The following NEK6 variants were observed in gnomAD, a reference collection of about 807,000 sequenced individuals.
The protein encoded by NEK6 is NIMA related kinase 6.
A neutral mutation model predicts 43.5 loss-of-function variants in NEK6; 27 were observed. The ratio of observed to expected loss-of-function variants is 0.62; its 90% CI spans 0.46 to 0.86. NEK6 has a LOEUF of 0.86. Ranked by LOEUF, NEK6 falls within the 40% of genes least tolerant of loss-of-function variation. The pLI is 0.00. For synonymous variants in NEK6, 167 were observed against 164.1 expected (o/e 1.02, Z -0.14); for missense variants, 318 against 414.4 (o/e 0.77, Z 2.02).
intron 4 of NEK6, among the ~76,000 whole-genome samples, chr9:124,318,120 A>G (rs1390909565): frequency 6.6e-6 from 1 of 152,250 alleles, no homozygotes; most frequent in Non-Finnish European, 1.5e-5. Context: ...ACGGTGTCTG[A>G]ACAAATTTAC....
At chr9:124,317,734 A>G (rs1016676912) in intron 4 of NEK6, among the ~76,000 whole-genome samples, 1 of 152,028 alleles carries the variant, frequency 6.6e-6, no homozygotes, top group African/African-American at 2.4e-5. Flanking sequence ...GTTTGTGTGT[A>G]CCCAGGATTT....
chr9:124,293,954 C>T (rs1364026380), intron 1 of NEK6, among the ~76,000 whole-genome samples: 3 of 151,520 alleles, frequency 2.0e-5, no homozygotes, highest in African/African-American at 7.2e-5. Context: ...CCTGGCTGCC[C>T]ACTGTGTGCT....
chr9:124,267,340 C>T (rs188085067), intron 1 of NEK6, among the ~76,000 whole-genome samples: 57 of 152,364 alleles, frequency 3.7e-4, no homozygotes, highest in Admixed American at 6.5e-4. Flanking sequence ...GAGTCCGCCC[C>T]TGGGCTTGGC....
At chr9:124,290,427 C>T (rs73666849) in intron 1 of NEK6, among the ~76,000 whole-genome samples, 2,498 of 152,330 alleles carry the variant, frequency 0.016, 74 homozygotes, top group African/African-American at 0.056. Context: ...CAGTTGGGGC[C>T]GGCTGGTGGG....
chr9:124,289,187 C>CCACA (rs60402648), intron 1 of NEK6, among the ~76,000 whole-genome samples: 12 of 46,026 alleles, frequency 2.6e-4, no homozygotes, highest in African/African-American at 1.0e-3. Context: ...CCCCCCCCCG[C>CCACA]CACACACACA....
intron 8 of NEK6, among the ~76,000 whole-genome samples, chr9:124,340,370 A>T (rs1023745052): frequency 3.9e-5 from 6 of 152,202 alleles, no homozygotes; most frequent in African/African-American, 1.2e-4. Flanking sequence ...TCTTGCAGCC[A>T]CCGGCAGGAG....
chr9:124,319,415 C>T (rs192346203), intron 4 of NEK6, among the ~76,000 whole-genome samples: 22 of 152,158 alleles, frequency 1.4e-4, no homozygotes, highest in Admixed American at 1.2e-3. Flanking sequence ...TCTGTTTACT[C>T]TGTTGATCAT....
At chr9:124,339,513 G>A in intron 7 of NEK6, 58 bp from the exon 8 acceptor site, 1 of 1,270,960 alleles carries the variant, frequency 7.9e-7, no homozygotes. Flanking sequence ...CCTCACCTCT[G>A]TGCCCTGCCC....
At chr9:124,281,904 C>T (rs1382121029) in intron 1 of NEK6, among the ~76,000 whole-genome samples, 1 of 152,142 alleles carries the variant, frequency 6.6e-6, no homozygotes, top group Non-Finnish European at 1.5e-5. Flanking sequence ...GAGAGGCTGT[C>T]CAGGCCTGTG....
At chr9:124,288,133 C>G (rs1024193674) in intron 1 of NEK6, among the ~76,000 whole-genome samples, 1 of 152,234 alleles carries the variant, frequency 6.6e-6, no homozygotes, top group African/African-American at 2.4e-5. Context: ...TCCACAGGCC[C>G]AAAGGCCTGG....
chr9:124,313,585 C>T (rs898146466), intron 3 of NEK6, among the ~76,000 whole-genome samples: 1 of 152,162 alleles, frequency 6.6e-6, no homozygotes, highest in African/African-American at 2.4e-5. Flanking sequence ...CCAGGCTGGT[C>T]TCGAACTCCT....
intron 8 of NEK6, among the ~76,000 whole-genome samples, chr9:124,346,848 G>C (rs1337442385): frequency 6.6e-6 from 1 of 152,200 alleles, no homozygotes; most frequent in Non-Finnish European, 1.5e-5. Flanking sequence ...GGCTGTGGCC[G>C]GCCTTCAGGG....
Position 124,327,572 on chromosome 9 carries a change from G to T in NEK6, c.622+127G>T, listed in dbSNP as rs1438412903. On this transcript the variant is annotated intron_variant, in intron 7 of 9. Transcript: ENST00000320246. The stretch of plus-strand genomic sequence containing the variant: ...GGAAGATGCCTTTTTTAAGCCCCAG[G>T]GTTTTCTCATCTGTTCAGAATAGTG... 2.4e-5 allele frequency: 18 copies of T among 749,316 alleles called. No homozygotes were observed. In the East Asian group the frequency reaches 4.6e-4, roughly 19 times the overall value. The allele number at this position is 749,316 out of a possible 1,614,324, so 46.4% of individuals were successfully genotyped here. A position where few individuals can be genotyped will look rare whatever the true frequency, so the allele number is the denominator to read the frequency against.
chr9:124,341,758 T>C (rs560444173), intron 8 of NEK6, among the ~76,000 whole-genome samples: 19 of 151,868 alleles, frequency 1.3e-4, no homozygotes, highest in Non-Finnish European at 1.9e-4. Flanking sequence ...GGGAGGGCAG[T>C]GGATGTAGGA....
Position 124,298,046 on chromosome 9 carries a change from G to T in NEK6, c.-29-3890G>T, listed in dbSNP as rs1310343531. Reference sequence around the variant, plus strand: ...CAAAGAGGGAGTTTAGAGTCACTGAGATCTGGATTTGAATCCTTTCTCTGC... The same window carrying T: ...CAAAGAGGGAGTTTAGAGTCACTGATATCTGGATTTGAATCCTTTCTCTGC... On this transcript the variant is annotated intron_variant, in intron 1 of 9. Coordinates refer to ENST00000320246, the MANE Select transcript of NEK6 (RefSeq NM_014397.6). Among the ~76,000 whole-genome samples the T allele has an allele frequency of 2.0e-5, 3 of 152,334 alleles. No individual in the cohort carries two copies. The East Asian group carries it at 5.8e-4, about 29-fold the overall frequency.
At chr9:124,284,236 C>A (rs1832050104) in intron 1 of NEK6, among the ~76,000 whole-genome samples, 1 of 152,230 alleles carries the variant, frequency 6.6e-6, no homozygotes, top group Non-Finnish European at 1.5e-5. Flanking sequence ...GTAATCCCAG[C>A]TACTTGGGAG....
At chr9:124,335,627 G>A (rs1217081514) in intron 7 of NEK6, among the ~76,000 whole-genome samples, 1 of 152,220 alleles carries the variant, frequency 6.6e-6, no homozygotes, top group Non-Finnish European at 1.5e-5. Flanking sequence ...TCACAGGCAG[G>A]CGGACTCATT....
intron 2 of NEK6, among the ~76,000 whole-genome samples, chr9:124,302,775 A>G (rs1271529794): frequency 1.3e-5 from 2 of 152,200 alleles, no homozygotes; most frequent in African/African-American, 4.8e-5. Flanking sequence ...CTGTGTCCAC[A>G]CACCTGGGTG....
At chr9:124,333,182 CTT>C (rs996522009) in intron 7 of NEK6, among the ~76,000 whole-genome samples, 6 of 152,212 alleles carry the variant, frequency 3.9e-5, no homozygotes, top group South Asian at 4.1e-4. Context: ...TTTGAAATCT[CTT>C]GTTTTATCTT....
Sources: gnomAD v4.1 joint callset for allele counts (sites outside exome capture counted in the v4.1 genomes callset) on GRCh38, gnomAD v4.1.1 for gene constraint, MANE v1.5 for transcripts, NCBI Gene and HGNC (gene_info 2026-07-23, HGNC 2026-07-21) for gene names.